Variants in TRPC5 observed in about 807,000 individuals in gnomAD.
TRPC5 encodes the protein transient receptor potential cation channel subfamily C member 5, also known as short transient receptor potential channel 5.
In TRPC5, 9 loss-of-function variants were observed where a neutral mutation model predicts 56.5. The ratio of observed to expected loss-of-function variants is 0.16; its 90% CI spans 0.10 to 0.28. The LOEUF (loss-of-function observed/expected upper bound fraction) is 0.28. Ranked by LOEUF, TRPC5 falls within the 10% of genes least tolerant of loss-of-function variation. TRPC5 has a pLI of 1.00. For synonymous variants in TRPC5, 282 were observed against 278.5 expected, an observed-to-expected ratio of 1.01 and a Z score of -0.13; for missense variants, 469 against 748.9, an observed-to-expected ratio of 0.63 and a Z score of 4.36.
intron 7 of TRPC5, among the ~76,000 whole-genome samples, chrX:111,825,213 TTCTTTCTTCTTTCTTTCTC>T (rs1569525923): frequency 1.3e-3 from 105 of 78,413 alleles, no homozygotes; most frequent in Non-Finnish European, 1.9e-3. Context: ...CTTTCTTTCT[TTCTTTCTTCTTTCTTTCTC>T]TCTCTCTCTC....
intron 1 of TRPC5, among the ~76,000 whole-genome samples, chrX:111,953,223 G>T (rs967417825): frequency 8.9e-6 from 1 of 112,034 alleles, no homozygotes; most frequent in African/African-American, 3.2e-5. Context: ...CATTTCAAAT[G>T]AAAAGCTAAC....
chrX:111,962,488 G>A (rs536331966), intron 1 of TRPC5, among the ~76,000 whole-genome samples: 7 of 112,375 alleles, frequency 6.2e-5, no homozygotes, highest in South Asian at 3.7e-4. Flanking sequence ...ACCAGAATTC[G>A]AAGTGGAGCC....
At chrX:111,810,159 C>T (rs899015268) in intron 7 of TRPC5, among the ~76,000 whole-genome samples, 21 of 111,074 alleles carry the variant, frequency 1.9e-4, no homozygotes, top group East Asian at 5.7e-4. Flanking sequence ...GTGATCCGCC[C>T]GCCTCGACCT....
chrX:112,054,573 G>A (rs1930296276), intron 1 of TRPC5, among the ~76,000 whole-genome samples: 1 of 111,115 alleles, frequency 9.0e-6, no homozygotes, highest in Non-Finnish European at 1.9e-5. Context: ...ATACTCTGGT[G>A]CCATGTTCCA....
chrX:111,787,799 C>A (rs1603027615), intron 7 of TRPC5, among the ~76,000 whole-genome samples: 1 of 111,429 alleles, frequency 9.0e-6, no homozygotes, highest in Non-Finnish European at 1.9e-5. Context: ...ACACAAATAA[C>A]CTAGAAAATC....
intron 1 of TRPC5, among the ~76,000 whole-genome samples, chrX:111,987,475 C>A (rs960377975): frequency 2.1e-4 from 23 of 111,098 alleles, no homozygotes; most frequent in African/African-American, 6.5e-4. Flanking sequence ...ATTTATTCAT[C>A]CTATATAACC....
At position 111,912,585 on chromosome X, in the gene TRPC5, A is replaced by T. The variant is rs1220656568; in HGVS notation, c.606T>A (p.Ala202=). Residue 202 remains alanine, a synonymous_variant, in exon 3 of 11, where the codon GCT becomes GCA. Transcript: ENST00000262839. ...HSRSRLNIYK[A]LASPSLIALS... Reference sequence around the variant, plus strand: ...AGGCAATGAGTGAGGGGCTTGCCAGAGCCTTATAGATGTTCAGTCGGGAGC... The same window carrying T: ...AGGCAATGAGTGAGGGGCTTGCCAGTGCCTTATAGATGTTCAGTCGGGAGC... The T allele has an allele frequency of 1.7e-6, 2 of 1,209,650 alleles. No homozygotes were observed. The highest frequency in any genetic ancestry group is 3.5e-5 in the African/African-American group (2 of 56,997).
At chrX:112,050,273 G>T (rs1292896896) in intron 1 of TRPC5, among the ~76,000 whole-genome samples, 1 of 112,681 alleles carries the variant, frequency 8.9e-6, no homozygotes, top group Admixed American at 9.3e-5. Context: ...TTTTCCTCTT[G>T]TAACACTTGT....
intron 1 of TRPC5, among the ~76,000 whole-genome samples, chrX:111,980,129 TA>T (rs1179759379): frequency 8.9e-6 from 1 of 111,950 alleles, no homozygotes; most frequent in Non-Finnish European, 1.9e-5. Context: ...TATAATGGAA[TA>T]CTATTCAGCA....
chrX:111,905,928 AAAAG>A lies in TRPC5; in HGVS notation c.900+6359_900+6362del, dbSNP rs1378451880. On this transcript the variant is annotated intron_variant, in intron 3 of 10. Transcript: ENST00000262839. ...AGTCTCTGTCTCAAAAAAAAAAAAA[AAAAG>A]AAAGAAAGAAAAATACTGAAGGCAT... 2.2e-3 allele frequency among the ~76,000 whole-genome samples: 231 copies of A among 105,898 alleles called. 1 individual carries two copies. Among genetic ancestry groups the A allele is most frequent in the African/African-American group, 3.8e-3 (106 of 27,796 alleles). 92.0% of individuals were successfully genotyped at this position (105,898 alleles called of 115,157 possible). A position where few individuals can be genotyped will look rare whatever the true frequency, so the allele number is the denominator to read the frequency against.
chrX:111,949,108 A>G (rs1019106563), intron 2 of TRPC5, among the ~76,000 whole-genome samples: 8 of 111,873 alleles, frequency 7.2e-5, no homozygotes, highest in African/African-American at 2.6e-4. Context: ...TTTTCAACAA[A>G]TGGTGCTGGG....
chrX:111,897,139 A>G (rs1925105252), intron 3 of TRPC5, among the ~76,000 whole-genome samples: 1 of 111,636 alleles, frequency 9.0e-6, no homozygotes, highest in Non-Finnish European at 1.9e-5. Flanking sequence ...CTTGGGTCCC[A>G]TTCCTAAGAT....
intron 1 of TRPC5, among the ~76,000 whole-genome samples, chrX:112,044,881 G>A (rs777041564): frequency 1.8e-5 from 2 of 111,843 alleles, no homozygotes; most frequent in Non-Finnish European, 3.8e-5. Context: ...CTATTCTTCT[G>A]GGCCATGGGT....
intron 2 of TRPC5, among the ~76,000 whole-genome samples, chrX:111,936,556 C>A (rs1467527601): frequency 9.3e-6 from 1 of 107,855 alleles, no homozygotes; most frequent in Non-Finnish European, 1.9e-5. Context: ...CATGTGTTCT[C>A]ATTGTTCAAT....
intron 1 of TRPC5, among the ~76,000 whole-genome samples, chrX:112,073,831 C>A (rs1451473443): frequency 8.9e-6 from 1 of 111,924 alleles, no homozygotes; most frequent in Non-Finnish European, 1.9e-5. Flanking sequence ...TATGGCACCA[C>A]TTCTCTGTTA....
chrX:111,793,621 C>T (rs1946039628), intron 7 of TRPC5, among the ~76,000 whole-genome samples: 1 of 111,550 alleles, frequency 9.0e-6, no homozygotes, highest in Admixed American at 9.5e-5. Flanking sequence ...AATGGTATAG[C>T]CACTTTGGAA....
rs1044663852 is a variant in TRPC5 at position 111,867,235 on chromosome X, C to T, written c.901-13129G>A. On this transcript the variant is annotated intron_variant, in intron 3 of 10. Transcript: ENST00000262839. ...AAGGACATGAGAAAAGCCCACACCC[C>T]TTTGATCTCCTGTTACCACCATTTT... Among the ~76,000 whole-genome samples, 24 of 111,745 alleles carry T rather than the reference C, an allele frequency of 2.1e-4. No individual in the cohort carries two copies. In the Admixed American group the frequency reaches 2.3e-3, roughly 11 times the overall value.
At chrX:111,866,003 A>G (rs1378697768) in intron 3 of TRPC5, among the ~76,000 whole-genome samples, 1 of 113,121 alleles carries the variant, frequency 8.8e-6, no homozygotes, top group African/African-American at 3.2e-5. Context: ...ATAGAATTAT[A>G]TCATTTTACA....
chrX:111,852,567 G>T, intron 4 of TRPC5, 130 bp from the exon 5 acceptor site: 1 of 728,866 alleles, frequency 1.4e-6, no homozygotes, highest in Non-Finnish European at 1.9e-6. Flanking sequence ...GTGAAGCCTT[G>T]AGAGACAATA....
Sources: gnomAD v4.1 joint callset for allele counts (sites outside exome capture counted in the v4.1 genomes callset) on GRCh38, gnomAD v4.1.1 for gene constraint, MANE v1.5 for transcripts, NCBI Gene and HGNC (gene_info 2026-07-23, HGNC 2026-07-21) for gene names.